FCHSD2: variants seen among roughly 807,000 people sequenced by gnomAD.
The protein encoded by FCHSD2 is F-BAR and double SH3 domains protein 2.
FCHSD2 carries 38 observed loss-of-function variants against 108.1 expected under a neutral mutation model. That is an observed-to-expected ratio of 0.35 (90% CI 0.27 to 0.46). FCHSD2 has a LOEUF of 0.46. Among genes scored for constraint, FCHSD2 ranks in the 20% least tolerant of loss-of-function variants. The pLI, the probability that FCHSD2 is intolerant of heterozygous loss-of-function variation, is 1.00. For synonymous variants in FCHSD2, 279 were observed against 314.7 expected, an observed-to-expected ratio of 0.89 and a Z score of 1.20; for missense variants, 751 against 897.8, an observed-to-expected ratio of 0.84 and a Z score of 2.09.
At chr11:72,846,437 C>T (rs1257597493) in intron 14 of FCHSD2, among the ~76,000 whole-genome samples, 5 of 152,272 alleles carry the variant, frequency 3.3e-5, no homozygotes, top group Non-Finnish European at 5.9e-5. Flanking sequence ...GCCTTGGCCC[C>T]GCAACGTGCT....
chr11:72,838,437 C>T lies in FCHSD2; in HGVS notation c.*354G>A, dbSNP rs759268382. On this transcript the variant is annotated 3_prime_UTR_variant, in exon 20 of 20. Coordinates refer to ENST00000409418, the MANE Select transcript of FCHSD2 (RefSeq NM_014824.3). ...CTTGTGGTCACAGTAATATACTGTA[C>T]GAGTGCACATGATCAGTAATTTAGG... 43 of 307,190 alleles carry T rather than the reference C, an allele frequency of 1.4e-4. No individual in the cohort carries two copies. The highest frequency in any genetic ancestry group is 2.3e-4 in the Non-Finnish European group (37 of 158,268). 19.0% of individuals were successfully genotyped at this position (307,190 alleles called of 1,614,324 possible).
chr11:73,138,514 C>T (rs1242213420), intron 2 of FCHSD2, among the ~76,000 whole-genome samples: 2 of 151,916 alleles, frequency 1.3e-5, no homozygotes, highest in Non-Finnish European at 2.9e-5. Context: ...GTATTACTTT[C>T]TTCATCTAGA....
intron 13 of FCHSD2, among the ~76,000 whole-genome samples, chr11:72,862,238 C>T (rs552053555): frequency 6.6e-6 from 1 of 152,298 alleles, no homozygotes; most frequent in South Asian, 2.1e-4. Context: ...TGACTCTCAC[C>T]ACTTCTATTC....
At chr11:73,062,804 A>C (rs1014499409) in intron 3 of FCHSD2, among the ~76,000 whole-genome samples, 2 of 152,362 alleles carry the variant, frequency 1.3e-5, no homozygotes, top group Middle Eastern at 3.4e-3. Context: ...GACCAAATCT[A>C]CATCTGATTG....
chr11:73,074,851 G>GCCC (rs752851017), intron 3 of FCHSD2, among the ~76,000 whole-genome samples: 12 of 152,044 alleles, frequency 7.9e-5, no homozygotes, highest in Non-Finnish European at 1.6e-4. Flanking sequence ...GTTCGAGGCT[G>GCCC]TAGTGAACTA....
At chr11:73,098,140 T>C (rs1860134664) in intron 2 of FCHSD2, among the ~76,000 whole-genome samples, 2 of 152,202 alleles carry the variant, frequency 1.3e-5, no homozygotes, top group Admixed American at 1.3e-4. Context: ...TCTTAGGGTA[T>C]AAAGCTAGGT....
chr11:72,921,315 G>A (rs1043259430), intron 9 of FCHSD2, among the ~76,000 whole-genome samples: 1 of 152,164 alleles, frequency 6.6e-6, no homozygotes, highest in African/African-American at 2.4e-5. Flanking sequence ...AATGTGACAT[G>A]TCAGCAAACC....
chr11:72,841,024 CTGGCATGGTGGCT>C, intron 18 of FCHSD2, 65 bp from the exon 19 acceptor site: 1 of 1,234,300 alleles, frequency 8.1e-7, no homozygotes, highest in East Asian at 2.4e-5. Flanking sequence ...TGATGCAAGG[CTGGCATGGTGGCT>C]TGAGCCTGTA....
chr11:72,975,195 C>A (rs1007721844), intron 8 of FCHSD2, among the ~76,000 whole-genome samples: 18 of 152,150 alleles, frequency 1.2e-4, no homozygotes, highest in African/African-American at 3.6e-4. Context: ...ATATATACTA[C>A]ATTTTCTTTA....
intron 16 of FCHSD2, 21 bp downstream of exon 16, chr11:72,843,130 G>A (rs778762765): frequency 4.8e-5 from 78 of 1,611,878 alleles, no homozygotes; most frequent in Non-Finnish European, 6.5e-5. Context: ...CAAATAAAGA[G>A]TGCCTTGTTT....
rs929120074 is a variant in FCHSD2, at chr11:72,842,855, G to A, written c.1706-14C>T. ...TCACAAAACATACTAGGGAGCAAGA[G>A]AAAAACAAATCTGGTAAGATAATTA... On this transcript the variant is annotated splice_polypyrimidine_tract_variant and intron_variant, in intron 16 of 19. Coordinates refer to ENST00000409418, the MANE Select transcript of FCHSD2 (RefSeq NM_014824.3). The A allele has an allele frequency of 3.7e-6, 6 of 1,602,108 alleles. No individual in the cohort carries two copies. The African/African-American group carries it at 6.7e-5, about 18-fold the overall frequency.
intron 3 of FCHSD2, among the ~76,000 whole-genome samples, chr11:73,031,103 GA>G (rs1858350063): frequency 6.6e-6 from 1 of 152,038 alleles, no homozygotes. Context: ...TATGTTAAGT[GA>G]AATAAGCCAG....
intron 3 of FCHSD2, among the ~76,000 whole-genome samples, chr11:73,043,891 G>C (rs966161599): frequency 2.0e-5 from 3 of 152,122 alleles, no homozygotes; most frequent in Non-Finnish European, 2.9e-5. Flanking sequence ...CTGGACTAAA[G>C]GATCTAGGAA....
At chr11:72,980,589 AT>A (rs1419062322) in intron 8 of FCHSD2, among the ~76,000 whole-genome samples, 1 of 151,852 alleles carries the variant, frequency 6.6e-6, no homozygotes, top group Non-Finnish European at 1.5e-5. Context: ...AGCTATTATT[AT>A]TACTAACCAC....
chr11:73,056,044 C>A (rs1859017077), intron 3 of FCHSD2, among the ~76,000 whole-genome samples: 1 of 152,048 alleles, frequency 6.6e-6, no homozygotes, highest in South Asian at 2.1e-4. Flanking sequence ...AAAATCTGAT[C>A]ACAAGCCCCA....
intron 8 of FCHSD2, among the ~76,000 whole-genome samples, chr11:72,982,089 T>C (rs1857225952): frequency 6.6e-6 from 1 of 152,204 alleles, no homozygotes; most frequent in Non-Finnish European, 1.5e-5. Flanking sequence ...TCTCTATATT[T>C]TCTAACCTGT....
chr11:73,003,784 C>T (rs111971075), intron 4 of FCHSD2, among the ~76,000 whole-genome samples: 3,345 of 151,394 alleles, frequency 0.022, 126 homozygotes, highest in African/African-American at 0.075. Flanking sequence ...TTTATTTCAC[C>T]AGGTTTCATA....
At chr11:73,008,398 G>A (rs1857788327) in intron 4 of FCHSD2, among the ~76,000 whole-genome samples, 1 of 152,074 alleles carries the variant, frequency 6.6e-6, no homozygotes, top group African/African-American at 2.4e-5. Flanking sequence ...ATAATAACTA[G>A]TAACAAGAAG....
rs190546070 is a variant in FCHSD2, at chr11:73,081,124, G to C, written c.165+2571C>G. On this transcript the variant is annotated intron_variant, in intron 3 of 19. Coordinates refer to ENST00000409418, the MANE Select transcript of FCHSD2 (RefSeq NM_014824.3). ...ATTTTACATTTTAAATAATAAACAT[G>C]TCCTATTTACTTGATTAAAACTTTA... Among the ~76,000 whole-genome samples, 987 of 152,166 alleles carry C rather than the reference G, an allele frequency of 6.5e-3. 4 individuals carry two copies. Among genetic ancestry groups the C allele is most frequent in the Non-Finnish European group, 9.6e-3 (654 of 68,000 alleles).
Sources: gnomAD v4.1 joint callset for allele counts (sites outside exome capture counted in the v4.1 genomes callset) on GRCh38, gnomAD v4.1.1 for gene constraint, MANE v1.5 for transcripts, NCBI Gene and HGNC (gene_info 2026-07-23, HGNC 2026-07-21) for gene names.